F11R: variants seen among roughly 807,000 people sequenced by gnomAD.
F11R encodes the protein junctional adhesion molecule A.
In F11R, 27 loss-of-function variants were observed where a neutral mutation model predicts 39.3. The observed-to-expected ratio is 0.69, with a 90% CI of 0.51 to 0.95. The LOEUF is 0.95. Among genes scored for constraint, F11R ranks in the 40% least tolerant of loss-of-function variants. The probability of loss-of-function intolerance (pLI) is 0.00; values close to 1 mark genes in which losing one functional copy is unlikely to be tolerated. For synonymous variants in F11R, 131 were observed against 144.9 expected (o/e 0.90, Z 0.69); for missense variants, 335 against 372.7 (o/e 0.90, Z 0.83).
At position 161,000,783 on chromosome 1, in the gene F11R, A is replaced by G. The variant is rs1239334390; in HGVS notation, c.242-6T>C. ...CACCCGGTCCTCATAGGAAGCTACC[A>G]CAAGAGGAGGCAAGAGCAAGGACAG... is the stretch of plus-strand genomic sequence containing the variant. On this transcript the variant is annotated splice_polypyrimidine_tract_variant and splice_region_variant and intron_variant, in intron 3 of 9. Coordinates refer to ENST00000368026, the MANE Select transcript of F11R (RefSeq NM_016946.6). 21 of 1,614,036 alleles carry G rather than the reference A, an allele frequency of 1.3e-5. No individual in the cohort carries two copies. Among genetic ancestry groups the G allele is most frequent in the Non-Finnish European group, 1.7e-5 (20 of 1,180,016 alleles).
Position 160,999,398 on chromosome 1 carries a change from T to C in F11R, c.813A>G (p.Lys271=). ...CCCCAGGACAGCACCTCACTCACCC[T>C]TTCTTTGTTCCTGAAAGAGAAGAAA... is the stretch of plus-strand genomic sequence containing the variant. ...YSRGHFDRTK[K]GTSSKKVIYS... The change falls in exon 8 of 10, where the codon AAA becomes AAG. Residue 271 remains lysine, a splice_region_variant and synonymous_variant. Coordinates refer to ENST00000368026, the MANE Select transcript of F11R (RefSeq NM_016946.6). 6.2e-7 allele frequency: 1 copy of C among 1,614,236 alleles called. No homozygotes were observed. Among genetic ancestry groups the C allele is most frequent in the Non-Finnish European group, 8.5e-7 (1 of 1,180,032 alleles).
At chr1:161,016,166 C>T (rs780469480) in intron 1 of F11R, among the ~76,000 whole-genome samples, 22 of 151,834 alleles carry the variant, frequency 1.4e-4, no homozygotes, top group Non-Finnish European at 2.9e-4. Context: ...GGTGAAAACC[C>T]GTCTCTACTA....
rs188275873 is a variant in F11R, at chr1:161,006,416, A to C, written c.65-5063T>G. 6.6e-5 allele frequency among the ~76,000 whole-genome samples: 10 copies of C among 152,328 alleles called. 1 individual carries two copies. In the East Asian group the frequency reaches 1.9e-3, roughly 29 times the overall value. ...ATTAGACTAAAAACTAGCCTTTGAA[A>C]TAAACACACATATACACACAAATCA... is the stretch of plus-strand genomic sequence containing the variant. On this transcript the variant is annotated intron_variant, in intron 1 of 9. Coordinates refer to ENST00000368026, the MANE Select transcript of F11R (RefSeq NM_016946.6).
Position 161,001,015 on chromosome 1 carries a change from C to T in F11R, c.241+5G>A. On this transcript the variant is annotated splice_donor_5th_base_variant and intron_variant, in intron 3 of 9. Coordinates refer to ENST00000368026, the MANE Select transcript of F11R (RefSeq NM_016946.6). ...GGCAATCAGGAAGGAGGAGAAGCAA[C>T]TCACCTGTGATCTTGTTATTATAGC... 1 of 1,611,976 alleles carries T rather than the reference C, an allele frequency of 6.2e-7. No homozygotes were observed.
rs1156681783 is a variant in F11R, at chr1:160,999,675, C to A, written c.767G>T (p.Gly256Val). Reference sequence around the variant, plus strand: ...GCCTCGGCTATAGGCAAACCAGATGCCAAAAACCAAGATTCCCAGGAGAAT... The same window carrying A: ...GCCTCGGCTATAGGCAAACCAGATGACAAAAACCAAGATTCCCAGGAGAAT... ...TLILLGILVF[G>V]IWFAYSRGHF... Residue 256 changes from glycine to valine, a missense_variant, in exon 7 of 10, where the codon GGC (glycine) becomes GTC (valine). Coordinates refer to ENST00000368026, the MANE Select transcript of F11R (RefSeq NM_016946.6). 2.5e-6 allele frequency: 4 copies of A among 1,614,174 alleles called. No homozygotes were observed. The highest frequency in any genetic ancestry group is 2.2e-5 in the South Asian group (2 of 91,084).
intron 1 of F11R, among the ~76,000 whole-genome samples, chr1:161,010,329 A>G (rs1649065514): frequency 6.6e-6 from 1 of 151,560 alleles, no homozygotes; most frequent in African/African-American, 2.4e-5. Context: ...CTGTAATCCC[A>G]GCGACTCAGG....
In F11R at chr1:160,997,607, A is replaced by G. The variant is rs1375676227; in HGVS notation, c.*1264T>C. ...GGGAACCAGCCCCAGGTTGCTGGGA[A>G]GCAAGGCTTTGAGGCATTTTCCTGT... On this transcript the variant is annotated 3_prime_UTR_variant, in exon 10 of 10. Transcript: ENST00000368026. 1 of 152,804 alleles carries G rather than the reference A, an allele frequency of 6.5e-6. No homozygotes were observed. The highest frequency in any genetic ancestry group is 1.9e-4 in the East Asian group (1 of 5,340). 9.5% of individuals were successfully genotyped at this position (152,804 alleles called of 1,614,324 possible). A position where few individuals can be genotyped will look rare whatever the true frequency, so the allele number is the denominator to read the frequency against.
intron 1 of F11R, among the ~76,000 whole-genome samples, chr1:161,003,226 G>A: frequency 6.6e-6 from 1 of 151,016 alleles, no homozygotes; most frequent in Admixed American, 6.6e-5. Context: ...CGGGTTCAAG[G>A]GATTCTCCTG....
intron 1 of F11R, 78 bp from the exon 2 acceptor site, chr1:161,001,431 G>A (rs1648485482): frequency 8.0e-7 from 1 of 1,254,622 alleles, no homozygotes. Context: ...AGACCCAGTG[G>A]ACAGGGCTTC....
chr1:161,006,623 T>C (rs1158545486), intron 1 of F11R, among the ~76,000 whole-genome samples: 1 of 152,188 alleles, frequency 6.6e-6, no homozygotes, highest in Non-Finnish European at 1.5e-5. Context: ...TGTTATTTTG[T>C]TTCAAATACA....
chr1:161,012,486 C>CATAAAA (rs1649214367), intron 1 of F11R, among the ~76,000 whole-genome samples: 2 of 151,244 alleles, frequency 1.3e-5, no homozygotes, highest in Non-Finnish European at 2.9e-5. Context: ...AGAAGAAATA[C>CATAAAA]AACATAAAAA....
chr1:161,018,437 G>T (rs1649580071), intron 1 of F11R, among the ~76,000 whole-genome samples: 1 of 152,188 alleles, frequency 6.6e-6, no homozygotes, highest in Non-Finnish European at 1.5e-5. Flanking sequence ...AGCCATTTGG[G>T]ATCTCCCTGC....
At chr1:161,019,506 A>C (rs1047987731) in intron 1 of F11R, among the ~76,000 whole-genome samples, 3 of 151,802 alleles carry the variant, frequency 2.0e-5, no homozygotes, top group Non-Finnish European at 4.4e-5. Flanking sequence ...GAGGCAGGAG[A>C]ATCGCTTAAA....
intron 1 of F11R, among the ~76,000 whole-genome samples, chr1:161,008,560 T>C (rs549928182): frequency 6.6e-6 from 1 of 152,312 alleles, no homozygotes; most frequent in South Asian, 2.1e-4. Flanking sequence ...CTAGCATTTA[T>C]TGAGCACATA....
chr1:161,004,288 G>A (rs1211918209), intron 1 of F11R, among the ~76,000 whole-genome samples: 6 of 152,036 alleles, frequency 3.9e-5, no homozygotes, highest in Non-Finnish European at 2.9e-5. Context: ...GGCTGGGCAC[G>A]GTAGGTCACA....
chr1:161,015,836 T>C (rs781720679), intron 1 of F11R, among the ~76,000 whole-genome samples: 2 of 152,130 alleles, frequency 1.3e-5, no homozygotes, highest in Non-Finnish European at 2.9e-5. Flanking sequence ...TTAGAAACTA[T>C]TGGGGTTTGG....
At chr1:161,015,001 C>G (rs1445672066) in intron 1 of F11R, among the ~76,000 whole-genome samples, 1 of 150,388 alleles carries the variant, frequency 6.6e-6, no homozygotes, top group Non-Finnish European at 1.5e-5. Context: ...TGGCGTGAAC[C>G]CGGGAGGCAG....
chr1:160,995,213 A>C lies in F11R; in HGVS notation c.*3658T>G, dbSNP rs1301873300. 3 of 152,266 alleles carry C rather than the reference A, an allele frequency of 2.0e-5. No homozygotes were observed. Among genetic ancestry groups the C allele is most frequent in the Non-Finnish European group, 4.4e-5 (3 of 68,014 alleles). The allele number at this position is 152,266 out of a possible 1,614,324, so 9.4% of individuals were successfully genotyped here. ...AAGGGGTAATAAGCTGGAAAAGCTA[A>C]AGAATTGGATATTTTTTAATGCAAA... On this transcript the variant is annotated 3_prime_UTR_variant, in exon 10 of 10. Coordinates refer to ENST00000368026, the MANE Select transcript of F11R (RefSeq NM_016946.6).
chr1:160,996,190 A>C lies in F11R; in HGVS notation c.*2681T>G, dbSNP rs1648109123. ...AAGGTAAGAACTTCAGGATTTAAAC[A>C]AACTCAATGTGAAAATAAACATTTA... On this transcript the variant is annotated 3_prime_UTR_variant, in exon 10 of 10. Coordinates refer to ENST00000368026, the MANE Select transcript of F11R (RefSeq NM_016946.6). The C allele has an allele frequency of 6.6e-6, 1 of 152,382 alleles. No individual in the cohort carries two copies. 9.4% of individuals were successfully genotyped at this position (152,382 alleles called of 1,614,324 possible).
Sources: gnomAD v4.1 joint callset for allele counts (sites outside exome capture counted in the v4.1 genomes callset) on GRCh38, gnomAD v4.1.1 for gene constraint, MANE v1.5 for transcripts, NCBI Gene and HGNC (gene_info 2026-07-23, HGNC 2026-07-21) for gene names.